Variants in PLAA observed in about 807,000 individuals in gnomAD.
The protein encoded by PLAA is phospholipase A2 activating protein.
PLAA carries 48 observed loss-of-function variants against 84.1 expected under a neutral mutation model. That is an observed-to-expected ratio of 0.57 (90% CI 0.45 to 0.73). The LOEUF is 0.73. Ranked by LOEUF, PLAA falls within the 30% of genes least tolerant of loss-of-function variation. The probability of loss-of-function intolerance (pLI) is 0.00; values close to 1 mark genes in which losing one functional copy is unlikely to be tolerated. For synonymous variants in PLAA, 392 were observed against 336.6 expected (o/e 1.16, Z -1.80); for missense variants, 903 against 954.7 (o/e 0.95, Z 0.71).
rs1019680327 is a variant in PLAA, at chr9:26,926,091, T to G, written c.734-131A>C. On this transcript the variant is annotated intron_variant, in intron 5 of 13. Coordinates refer to ENST00000397292, the MANE Select transcript of PLAA (RefSeq NM_001031689.3). ...AATTACAGTTTTAAATTTCATATGT[T>G]TGTCACTTACAACATATACAACTTC... The G allele has an allele frequency of 9.8e-6, 7 of 716,060 alleles. No homozygotes were observed. The Admixed American group carries it at 2.1e-4, about 21-fold the overall frequency. The allele number at this position is 716,060 out of a possible 1,614,324, so 44.4% of individuals were successfully genotyped here.
Position 26,908,137 on chromosome 9 carries a change from TA to T in PLAA, c.1658-140del, listed in dbSNP as rs1179592420. 1.1e-5 allele frequency: 6 copies of T among 532,450 alleles called. No homozygotes were observed. In the East Asian group the frequency reaches 2.0e-4, roughly 18 times the overall value. The allele number at this position is 532,450 out of a possible 1,614,324, so 33.0% of individuals were successfully genotyped here. A position where few individuals can be genotyped will look rare whatever the true frequency, so the allele number is the denominator to read the frequency against. ...TTTACTCAGCAATTATCAAACACCATAAAGTAAGGATAAGGCTTATGAGCTT... is the reference window on the plus strand; with the variant it reads ...TTTACTCAGCAATTATCAAACACCATAAGTAAGGATAAGGCTTATGAGCTT... On this transcript the variant is annotated intron_variant, in intron 12 of 13. Transcript: ENST00000397292.
intron 1 of PLAA, among the ~76,000 whole-genome samples, chr9:26,943,929 G>C (rs559071507): frequency 6.6e-6 from 1 of 152,110 alleles, no homozygotes; most frequent in Non-Finnish European, 1.5e-5. Context: ...ATTCCAGCCT[G>C]GGCAACAAAG....
intron 7 of PLAA, among the ~76,000 whole-genome samples, chr9:26,920,618 C>G (rs1824729835): frequency 6.6e-6 from 1 of 152,138 alleles, no homozygotes; most frequent in African/African-American, 2.4e-5. Flanking sequence ...TAGGAAGCAA[C>G]TGGCCCATCA....
rs201555180 is a variant in PLAA at position 26,913,974 on chromosome 9, G to A, written c.1487-27C>T. 5.3e-6 allele frequency: 8 copies of A among 1,513,608 alleles called. No homozygotes were observed. The Admixed American group carries it at 1.4e-4, about 26-fold the overall frequency. The allele number at this position is 1,513,608 out of a possible 1,614,324, so 93.8% of individuals were successfully genotyped here. A position where few individuals can be genotyped will look rare whatever the true frequency, so the allele number is the denominator to read the frequency against. ...TACAATACAATAATACTCCTAGTAA[G>A]CAAAGGTGACTGTAAATTATAAAGT... is the stretch of plus-strand genomic sequence containing the variant. On this transcript the variant is annotated intron_variant, in intron 10 of 13. Transcript: ENST00000397292.
intron 2 of PLAA, among the ~76,000 whole-genome samples, chr9:26,930,724 A>C (rs1002033671): frequency 6.6e-6 from 1 of 151,922 alleles, no homozygotes; most frequent in African/African-American, 2.4e-5. Flanking sequence ...CTTGGATTAC[A>C]TGCATGCGCC....
chr9:26,940,129 A>G (rs776484001), intron 1 of PLAA, among the ~76,000 whole-genome samples: 1 of 152,252 alleles, frequency 6.6e-6, no homozygotes, highest in Non-Finnish European at 1.5e-5. Flanking sequence ...TAAAATTACC[A>G]TATGACTCAG....
At chr9:26,943,183 T>C (rs79170586) in intron 1 of PLAA, among the ~76,000 whole-genome samples, 3 of 152,102 alleles carry the variant, frequency 2.0e-5, no homozygotes, top group African/African-American at 7.2e-5. Context: ...AGCTAGCTTA[T>C]AGAGACCTGA....
At chr9:26,939,983 G>A (rs1825480418) in intron 1 of PLAA, among the ~76,000 whole-genome samples, 1 of 152,038 alleles carries the variant, frequency 6.6e-6, no homozygotes, top group African/African-American at 2.4e-5. Flanking sequence ...AGAATAATCA[G>A]ACAGAAAACA....
Position 26,905,357 on chromosome 9 carries a change from T to G in PLAA, c.*154A>C. 1.6e-6 allele frequency: 1 copy of G among 635,234 alleles called. No homozygotes were observed. The allele number at this position is 635,234 out of a possible 1,614,324, so 39.3% of individuals were successfully genotyped here. A position where few individuals can be genotyped will look rare whatever the true frequency, so the allele number is the denominator to read the frequency against. ...ATCTCACAGTTCAGCAGTGCAAAAA[T>G]TTTATTTCTGTTTCCCCTCCCCACC... On this transcript the variant is annotated 3_prime_UTR_variant, in exon 14 of 14. Coordinates refer to ENST00000397292, the MANE Select transcript of PLAA (RefSeq NM_001031689.3).
intron 2 of PLAA, among the ~76,000 whole-genome samples, chr9:26,928,846 T>G (rs1023669867): frequency 3.3e-5 from 5 of 152,122 alleles, no homozygotes; most frequent in Admixed American, 3.3e-4. Context: ...AGTAATGAAG[T>G]GGTTAATTAA....
intron 1 of PLAA, among the ~76,000 whole-genome samples, chr9:26,937,071 G>A (rs915894749): frequency 3.3e-5 from 5 of 151,974 alleles, no homozygotes; most frequent in Non-Finnish European, 7.4e-5. Context: ...AACCCGGGAG[G>A]AGAAGGTTGC....
chr9:26,941,374 G>A (rs973657308), intron 1 of PLAA, among the ~76,000 whole-genome samples: 1 of 151,992 alleles, frequency 6.6e-6, no homozygotes. Context: ...AGAAAACCCT[G>A]GAAACCATAC....
At chr9:26,941,917 G>C (rs1271941744) in intron 1 of PLAA, among the ~76,000 whole-genome samples, 2 of 151,974 alleles carry the variant, frequency 1.3e-5, no homozygotes, top group Non-Finnish European at 2.9e-5. Flanking sequence ...TATTAAAAGG[G>C]CCCGCCAATG....
chr9:26,910,995 T>A (rs1191302743), intron 11 of PLAA, among the ~76,000 whole-genome samples: 1 of 152,200 alleles, frequency 6.6e-6, no homozygotes, highest in Non-Finnish European at 1.5e-5. Context: ...TTTTTCTGCA[T>A]CATCTTTATA....
At chr9:26,934,475 C>CTTTTTTTTTTTTTTTTTTTTTTTT (rs67138338) in intron 2 of PLAA, among the ~76,000 whole-genome samples, 1 of 93,344 alleles carries the variant, frequency 1.1e-5, no homozygotes, top group African/African-American at 4.4e-5. Context: ...GAACACTTTA[C>CTTTTTTTTTTTTTTTTTTTTTTTT]TTTTTTTTTT....
At chr9:26,931,877 G>A (rs2131405249) in intron 2 of PLAA, among the ~76,000 whole-genome samples, 1 of 152,216 alleles carries the variant, frequency 6.6e-6, no homozygotes, top group African/African-American at 2.4e-5. Context: ...CAGAGGTCAG[G>A]AGTTTGAGAC....
chr9:26,926,087 ATGTT>A, intron 5 of PLAA, 127 bp from the exon 6 acceptor site: 1 of 729,332 alleles, frequency 1.4e-6, no homozygotes, highest in South Asian at 1.9e-5. Context: ...TAAATTTCAT[ATGTT>A]TGTCACTTAC....
intron 1 of PLAA, among the ~76,000 whole-genome samples, chr9:26,939,416 TAAAC>T (rs1563920476): frequency 1.1e-5 from 1 of 88,070 alleles, no homozygotes; most frequent in Non-Finnish European, 2.4e-5. Context: ...AATAAATAAA[TAAAC>T]AAACATATAA....
chr9:26,944,739 T>C (rs970396350), intron 1 of PLAA, among the ~76,000 whole-genome samples: 2 of 152,194 alleles, frequency 1.3e-5, no homozygotes, highest in African/African-American at 2.4e-5. Context: ...TAATCTTATC[T>C]CACTACGCAC....
Sources: gnomAD v4.1 joint callset for allele counts (sites outside exome capture counted in the v4.1 genomes callset) on GRCh38, gnomAD v4.1.1 for gene constraint, MANE v1.5 for transcripts, NCBI Gene and HGNC (gene_info 2026-07-23, HGNC 2026-07-21) for gene names.